The following SYT1 variants were observed in gnomAD, a reference collection of about 807,000 sequenced individuals.
The protein encoded by SYT1 is synaptotagmin 1.
SYT1 carries 8 observed loss-of-function variants against 44.8 expected under a neutral mutation model. That is an observed-to-expected ratio of 0.18 (90% confidence interval 0.10 to 0.32). The LOEUF (loss-of-function observed/expected upper bound fraction) is 0.32, where lower values mean the gene tolerates loss of function less well. Ranked by LOEUF, SYT1 falls within the 10% of genes least tolerant of loss-of-function variation. SYT1 has a pLI of 1.00. For synonymous variants in SYT1, 154 were observed against 188.8 expected (o/e 0.82, Z 1.51); for missense variants, 286 against 509.3 (o/e 0.56, Z 4.22).
chr12:79,027,589 G>T (rs1355850414), intron 2 of SYT1, among the ~76,000 whole-genome samples: 1 of 151,410 alleles, frequency 6.6e-6, no homozygotes, highest in Admixed American at 6.6e-5. Flanking sequence ...GCATTGGGCA[G>T]GTTGAAACTC....
At chr12:79,329,337 G>A (rs1881752881) in intron 8 of SYT1, among the ~76,000 whole-genome samples, 1 of 152,070 alleles carries the variant, frequency 6.6e-6, no homozygotes, top group South Asian at 2.1e-4. Context: ...CTGACTTAGG[G>A]GAATGTCTCT....
At chr12:79,310,886 A>C (rs1401926468) in intron 8 of SYT1, among the ~76,000 whole-genome samples, 8 of 152,192 alleles carry the variant, frequency 5.3e-5, no homozygotes, top group Admixed American at 5.2e-4. Flanking sequence ...ACTTTGCTGA[A>C]GTTGCTTATC....
chr12:79,283,031 T>C (rs915482524), intron 4 of SYT1, among the ~76,000 whole-genome samples: 8 of 152,134 alleles, frequency 5.3e-5, no homozygotes, highest in Admixed American at 6.5e-5. Flanking sequence ...AAATATTTGG[T>C]TACTCTACAC....
At chr12:79,063,170 A>C (rs770308034) in intron 3 of SYT1, among the ~76,000 whole-genome samples, 23 of 152,192 alleles carry the variant, frequency 1.5e-4, no homozygotes, top group Non-Finnish European at 2.8e-4. Flanking sequence ...TTTAGATCAG[A>C]AATGGGGTAT....
chr12:79,398,907 CT>C (rs1884970330), intron 9 of SYT1, among the ~76,000 whole-genome samples: 1 of 152,108 alleles, frequency 6.6e-6, no homozygotes, highest in Admixed American at 6.5e-5. Flanking sequence ...TGCCATGGCC[CT>C]TGTAGCTGAT....
At chr12:79,434,719 G>A (rs912207660) in intron 9 of SYT1, among the ~76,000 whole-genome samples, 2 of 152,160 alleles carry the variant, frequency 1.3e-5, no homozygotes, top group Admixed American at 6.5e-5. Flanking sequence ...TAATGTGGGA[G>A]GAAGATGTCT....
chr12:79,424,953 CTTTTTT>C (rs398040025), intron 9 of SYT1, among the ~76,000 whole-genome samples: 4 of 85,254 alleles, frequency 4.7e-5, no homozygotes, highest in African/African-American at 1.9e-4. Flanking sequence ...TTTTCTTCTT[CTTTTTT>C]TTTTTTTTTT....
At chr12:79,250,592 G>A (rs1877141961) in intron 4 of SYT1, among the ~76,000 whole-genome samples, 1 of 152,190 alleles carries the variant, frequency 6.6e-6, no homozygotes, top group Non-Finnish European at 1.5e-5. Context: ...ACAAAATGGT[G>A]AAGTCAGTGA....
intron 3 of SYT1, among the ~76,000 whole-genome samples, chr12:79,091,973 C>T (rs772732150): frequency 7.9e-5 from 12 of 151,966 alleles, no homozygotes; most frequent in Non-Finnish European, 1.5e-4. Context: ...TGGAACTTTT[C>T]ACAAGGAATC....
intron 1 of SYT1, among the ~76,000 whole-genome samples, chr12:78,928,609 C>A (rs1194997334): frequency 6.6e-6 from 1 of 152,058 alleles, no homozygotes; most frequent in African/African-American, 2.4e-5. Flanking sequence ...TTAAGGGTTC[C>A]TTGAACACAT....
intron 4 of SYT1, among the ~76,000 whole-genome samples, chr12:79,233,520 G>A (rs1306080391): frequency 1.3e-5 from 2 of 152,146 alleles, no homozygotes; most frequent in Non-Finnish European, 2.9e-5. Context: ...CTACATTGTC[G>A]ATATCACCAC....
chr12:79,331,392 A>T (rs1881848410), intron 8 of SYT1, among the ~76,000 whole-genome samples: 1 of 152,192 alleles, frequency 6.6e-6, no homozygotes, highest in Admixed American at 6.5e-5. Flanking sequence ...AACTGCCTAA[A>T]GGCTTTTTTC....
intron 3 of SYT1, among the ~76,000 whole-genome samples, chr12:79,122,919 T>C (rs1868302678): frequency 6.6e-6 from 1 of 152,162 alleles, no homozygotes; most frequent in South Asian, 2.1e-4. Flanking sequence ...CTAAGTAAAG[T>C]GATCATTAAC....
intron 3 of SYT1, among the ~76,000 whole-genome samples, chr12:79,157,734 GT>G (rs916472145): frequency 1.3e-5 from 2 of 152,162 alleles, no homozygotes; most frequent in African/African-American, 4.8e-5. Flanking sequence ...ATAGGACTTT[GT>G]ACTAAGAGCT....
At chr12:78,895,206 A>T (rs1040365014) in intron 1 of SYT1, among the ~76,000 whole-genome samples, 1 of 151,626 alleles carries the variant, frequency 6.6e-6, no homozygotes, top group African/African-American at 2.4e-5. Flanking sequence ...CTTTTTTGAG[A>T]TATAAAATTA....
chr12:79,348,611 A>G lies in SYT1; in HGVS notation c.811-4891A>G, dbSNP rs78689781. 2.6e-5 allele frequency among the ~76,000 whole-genome samples: 4 copies of G among 152,360 alleles called. No individual in the cohort carries two copies. In the East Asian group the frequency reaches 7.7e-4, roughly 29 times the overall value. ...ACCTTTCAAACATTCACTTGGCATTAGTATGTAGTATGCATTGAATTTTGA... is the reference window on the plus strand; with the variant it reads ...ACCTTTCAAACATTCACTTGGCATTGGTATGTAGTATGCATTGAATTTTGA... On this transcript the variant is annotated intron_variant, in intron 8 of 10. Coordinates refer to ENST00000261205, the MANE Select transcript of SYT1 (RefSeq NM_005639.3).
At chr12:79,428,514 A>G (rs1869581588) in intron 9 of SYT1, among the ~76,000 whole-genome samples, 1 of 152,162 alleles carries the variant, frequency 6.6e-6, no homozygotes, top group Non-Finnish European at 1.5e-5. Context: ...AGGGGTGGCT[A>G]GGGAGCAGTG....
At chr12:79,384,667 G>A (rs533330372) in intron 9 of SYT1, among the ~76,000 whole-genome samples, 3 of 152,194 alleles carry the variant, frequency 2.0e-5, no homozygotes, top group South Asian at 2.1e-4. Context: ...TGGGAGATCC[G>A]GAGCACCATC....
At chr12:78,890,746 A>G (rs986342986) in intron 1 of SYT1, among the ~76,000 whole-genome samples, 10 of 151,586 alleles carry the variant, frequency 6.6e-5, no homozygotes, top group African/African-American at 1.5e-4. Context: ...TCATCTCCTT[A>G]CACTGTCTTT....
Sources: gnomAD v4.1 joint callset for allele counts (sites outside exome capture counted in the v4.1 genomes callset) on GRCh38, gnomAD v4.1.1 for gene constraint, MANE v1.5 for transcripts, NCBI Gene and HGNC (gene_info 2026-07-23, HGNC 2026-07-21) for gene names.